Variants in TMEM132E observed in about 807,000 individuals in gnomAD.
The protein encoded by TMEM132E is transmembrane protein 132E.
In TMEM132E, 49 loss-of-function variants were observed where a neutral mutation model predicts 78.5. The observed-to-expected ratio is 0.62, with a 90% CI of 0.50 to 0.79. The LOEUF (loss-of-function observed/expected upper bound fraction) is 0.79. Ranked by LOEUF, TMEM132E falls within the 30% of genes least tolerant of loss-of-function variation. The pLI, the probability that TMEM132E is intolerant of heterozygous loss-of-function variation, is 0.00. For synonymous variants in TMEM132E, 715 were observed against 670.6 expected (o/e 1.07, Z -1.02); for missense variants, 1,403 against 1,470.9 (o/e 0.95, Z 0.75).
chr17:34,613,254 C>T (rs898475965), intron 1 of TMEM132E, among the ~76,000 whole-genome samples: 2 of 145,906 alleles, frequency 1.4e-5, no homozygotes, highest in Non-Finnish European at 3.0e-5. Context: ...CCGTTGTTTG[C>T]GGCTAATTGT....
intron 1 of TMEM132E, among the ~76,000 whole-genome samples, chr17:34,598,368 G>C (rs1232181295): frequency 2.6e-5 from 4 of 152,144 alleles, no homozygotes; most frequent in African/African-American, 9.7e-5. Flanking sequence ...TCCCATCAGA[G>C]AGTCCCATCA....
chr17:34,637,020 G>A lies in TMEM132E; in HGVS notation c.2170-157G>A, dbSNP rs140621306. Among the ~76,000 whole-genome samples the A allele has an allele frequency of 7.0e-3, 1,061 of 152,260 alleles. 15 individuals carry two copies. Among genetic ancestry groups the A allele is most frequent in the African/African-American group, 0.024 (984 of 41,548 alleles). On this transcript the variant is annotated intron_variant, in intron 8 of 8. Coordinates refer to ENST00000631683, the MANE Select transcript of TMEM132E (RefSeq NM_001304438.2). ...GACTCTCACTTGAACAGTAGTTCCT[G>A]AATGCCCGCCACAGGTCACAGGCAC...
At chr17:34,603,651 C>A (rs1906313397) in intron 1 of TMEM132E, among the ~76,000 whole-genome samples, 1 of 152,150 alleles carries the variant, frequency 6.6e-6, no homozygotes, top group African/African-American at 2.4e-5. Flanking sequence ...CCTGTGTGGG[C>A]TGTGGCAGGG....
intron 1 of TMEM132E, among the ~76,000 whole-genome samples, chr17:34,589,988 T>C (rs1905811480): frequency 1.3e-5 from 2 of 152,156 alleles, no homozygotes; most frequent in Non-Finnish European, 2.9e-5. Flanking sequence ...GGATAAAAAC[T>C]GCCATCAGCC....
chr17:34,635,863 A>C, intron 7 of TMEM132E, 144 bp from the exon 8 acceptor site: 2 of 749,236 alleles, frequency 2.7e-6, no homozygotes, highest in South Asian at 4.1e-5. Flanking sequence ...GACCTGAGGC[A>C]GAGCTGCGAA....
chr17:34,585,073 G>A (rs1456901493), intron 1 of TMEM132E, among the ~76,000 whole-genome samples: 2 of 152,230 alleles, frequency 1.3e-5, no homozygotes, highest in Admixed American at 1.3e-4. Context: ...GGGCGTGAGG[G>A]ATGATGCTTG....
chr17:34,629,300 A>T, intron 4 of TMEM132E, 96 bp downstream of exon 4: 4 of 1,362,602 alleles, frequency 2.9e-6, no homozygotes, highest in Non-Finnish European at 4.0e-6. Flanking sequence ...ATATGTACAA[A>T]TTGACATGTG....
chr17:34,626,659 CG>C lies in TMEM132E; in HGVS notation c.603del (p.Pro203GlnfsTer92). Reference sequence around the variant, plus strand: ...GGGCAGAGCTGCCCCTGGCCTGGTTCGGGCCCCCAGCCCCCGCTGCGCCACC... The same window carrying C: ...GGGCAGAGCTGCCCCTGGCCTGGTTCGGCCCCCAGCCCCCGCTGCGCCACC... ...VRAELPLAWF[G>X]PPAPAAPPTA... On this transcript the variant is annotated frameshift_variant, in exon 2 of 9. Coordinates refer to ENST00000631683, the MANE Select transcript of TMEM132E (RefSeq NM_001304438.2). LOFTEE classifies it high-confidence loss of function. The C allele has an allele frequency of 7.0e-7, 1 of 1,420,202 alleles. No homozygotes were observed. Among genetic ancestry groups the C allele is most frequent in the Non-Finnish European group, 9.2e-7 (1 of 1,088,572 alleles). 88.0% of individuals were successfully genotyped at this position (1,420,202 alleles called of 1,614,324 possible).
chr17:34,590,693 T>C (rs1905839395), intron 1 of TMEM132E, among the ~76,000 whole-genome samples: 1 of 152,110 alleles, frequency 6.6e-6, no homozygotes, highest in South Asian at 2.1e-4. Flanking sequence ...AATAGCAAGA[T>C]ACAATGCTAA....
intron 1 of TMEM132E, among the ~76,000 whole-genome samples, chr17:34,584,836 T>C (rs963322169): frequency 6.6e-6 from 1 of 152,196 alleles, no homozygotes. Flanking sequence ...TATGACATGG[T>C]CTCACAGGAT....
chr17:34,618,523 T>C (rs1050376639), intron 1 of TMEM132E, among the ~76,000 whole-genome samples: 2 of 152,052 alleles, frequency 1.3e-5, no homozygotes, highest in African/African-American at 4.8e-5. Context: ...TAAGCCACCA[T>C]GCCCGGCCAA....
intron 1 of TMEM132E, among the ~76,000 whole-genome samples, chr17:34,587,763 C>G (rs1290426795): frequency 6.6e-6 from 1 of 152,246 alleles, no homozygotes; most frequent in South Asian, 2.1e-4. Context: ...CGGCCACACA[C>G]TGCTAAGCTT....
At chr17:34,623,882 A>G (rs572003754) in intron 1 of TMEM132E, among the ~76,000 whole-genome samples, 34 of 152,286 alleles carry the variant, frequency 2.2e-4, no homozygotes, top group Admixed American at 1.2e-3. Context: ...GGCACCAGCC[A>G]GAAAAGCTCT....
intron 1 of TMEM132E, among the ~76,000 whole-genome samples, chr17:34,592,245 G>T (rs1905896851): frequency 6.6e-6 from 1 of 152,150 alleles, no homozygotes; most frequent in Non-Finnish European, 1.5e-5. Context: ...GCAGTCACAG[G>T]CATTGCCCCA....
At chr17:34,615,517 A>ATGTGTG (rs3048841) in intron 1 of TMEM132E, among the ~76,000 whole-genome samples, 32,244 of 140,638 alleles carry the variant, frequency 0.23, 3,831 homozygotes, top group Admixed American at 0.31. Flanking sequence ...ACTGGCACAG[A>ATGTGTG]TGTGTGTGTG....
At chr17:34,599,402 A>T (rs1317052009) in intron 1 of TMEM132E, among the ~76,000 whole-genome samples, 3 of 152,162 alleles carry the variant, frequency 2.0e-5, no homozygotes, top group Non-Finnish European at 4.4e-5. Flanking sequence ...GGGCTGGTTT[A>T]TCTGATGGTG....
At chr17:34,591,989 C>T (rs550301128) in intron 1 of TMEM132E, among the ~76,000 whole-genome samples, 1 of 152,310 alleles carries the variant, frequency 6.6e-6, no homozygotes, top group African/African-American at 2.4e-5. Context: ...TGGAGGGGCT[C>T]GGTAAACTGG....
chr17:34,624,148 A>AT (rs1043810984), intron 1 of TMEM132E, among the ~76,000 whole-genome samples: 1 of 152,160 alleles, frequency 6.6e-6, no homozygotes, highest in African/African-American at 2.4e-5. Flanking sequence ...TGCAGATTTT[A>AT]TTTTTTTGAA....
chr17:34,618,088 T>C (rs1217098896), intron 1 of TMEM132E, among the ~76,000 whole-genome samples: 1 of 152,114 alleles, frequency 6.6e-6, no homozygotes, highest in Non-Finnish European at 1.5e-5. Flanking sequence ...TAAATATTAT[T>C]TTTGAAAACT....
Sources: allele counts gnomAD v4.1 joint callset (sites outside exome capture counted in the v4.1 genomes callset), GRCh38; gene constraint gnomAD v4.1.1; transcripts MANE v1.5; gene names NCBI Gene and HGNC (gene_info 2026-07-23, HGNC 2026-07-21).